Variants in PDZRN3 observed in about 807,000 individuals in gnomAD.
PDZRN3 encodes PDZ domain containing ring finger 3.
In PDZRN3, 38 loss-of-function variants were observed where a neutral mutation model predicts 85.7. The observed-to-expected ratio is 0.44, with a 90% CI of 0.34 to 0.58. The LOEUF is 0.58. Among genes scored for constraint, PDZRN3 ranks in the 20% least tolerant of loss-of-function variants. The pLI, the probability that PDZRN3 is intolerant of heterozygous loss-of-function variation, is 0.01. For missense variants in PDZRN3, 1,629 were observed against 1,506.4 expected, an observed-to-expected ratio of 1.08 and a Z score of -1.35; for synonymous variants, 759 against 638.0, an observed-to-expected ratio of 1.19 and a Z score of -2.86.
chr3:73,423,816 A>T (rs1702251267), intron 3 of PDZRN3, among the ~76,000 whole-genome samples: 1 of 152,194 alleles, frequency 6.6e-6, no homozygotes, highest in Admixed American at 6.6e-5. Flanking sequence ...TTAATAAAAG[A>T]TATTTATTCT....
chr3:73,460,516 AC>A (rs1703081570), intron 3 of PDZRN3, among the ~76,000 whole-genome samples: 1 of 152,312 alleles, frequency 6.6e-6, no homozygotes, highest in South Asian at 2.1e-4. Context: ...ACTGGAAACG[AC>A]AGGCTTCTTA....
chr3:73,503,642 G>T (rs1167400852), intron 3 of PDZRN3, among the ~76,000 whole-genome samples: 1 of 152,160 alleles, frequency 6.6e-6, no homozygotes, highest in Non-Finnish European at 1.5e-5. Context: ...TATGTACTTT[G>T]CAAGGTCTTA....
intron 5 of PDZRN3, among the ~76,000 whole-genome samples, chr3:73,395,988 C>T (rs904243744): frequency 1.3e-5 from 2 of 152,008 alleles, no homozygotes; most frequent in Non-Finnish European, 2.9e-5. Context: ...TTTGGGAGGC[C>T]ATTGCAGACA....
At chr3:73,511,362 T>C (rs1704160870) in intron 3 of PDZRN3, among the ~76,000 whole-genome samples, 1 of 152,070 alleles carries the variant, frequency 6.6e-6, no homozygotes, top group African/African-American at 2.4e-5. Context: ...AAAAAGATCA[T>C]CCTTTATAAA....
Position 73,384,369 on chromosome 3 carries a change from T to C in PDZRN3, c.2197A>G (p.Ile733Val). 6.2e-7 allele frequency: 1 copy of C among 1,609,584 alleles called. No individual in the cohort carries two copies. The highest frequency in any genetic ancestry group is 8.5e-7 in the Non-Finnish European group (1 of 1,179,938). ...NSGFRNYNTSIDVRRHELSDI... is the reference protein window; with the variant it reads ...NSGFRNYNTSVDVRRHELSDI... Reference sequence around the variant, plus strand: ...GAGAGCTCGTGTCTGCGCACGTCGATGCTGGTGTTGTAGTTGCGGAAGCCG... The same window carrying C: ...GAGAGCTCGTGTCTGCGCACGTCGACGCTGGTGTTGTAGTTGCGGAAGCCG... The change falls in exon 10 of 10, where the codon ATC (isoleucine) becomes GTC (valine). Residue 733 changes from isoleucine to valine, a missense_variant. Physicochemically the swap from Ile to Val is conservative, Grantham distance 29 (BLOSUM62 3). Coordinates refer to ENST00000263666, the MANE Select transcript of PDZRN3 (RefSeq NM_015009.3).
chr3:73,401,172 A>G, intron 4 of PDZRN3, 163 bp from the exon 5 acceptor site: 1 of 583,486 alleles, frequency 1.7e-6, no homozygotes, highest in Non-Finnish European at 3.1e-6. Flanking sequence ...CAGGACCTCC[A>G]TCATCCTAAT....
intron 7 of PDZRN3, 88 bp downstream of exon 7, chr3:73,389,728 G>A: frequency 2.1e-6 from 2 of 954,086 alleles, no homozygotes; most frequent in Non-Finnish European, 3.4e-6. Flanking sequence ...AACCGCTTCT[G>A]CATTTTCAAC....
chr3:73,547,885 A>G (rs1369198235), intron 3 of PDZRN3, among the ~76,000 whole-genome samples: 1 of 152,084 alleles, frequency 6.6e-6, no homozygotes, highest in East Asian at 1.9e-4. Flanking sequence ...GAAGCGGGGG[A>G]GGGTTAAAAG....
intron 3 of PDZRN3, among the ~76,000 whole-genome samples, chr3:73,496,016 G>A (rs1703859389): frequency 6.7e-6 from 1 of 149,260 alleles, no homozygotes; most frequent in Admixed American, 6.7e-5. Flanking sequence ...TAATTGATGT[G>A]TTAATTATAA....
At chr3:73,442,406 C>G (rs1003427283) in intron 3 of PDZRN3, among the ~76,000 whole-genome samples, 1 of 152,060 alleles carries the variant, frequency 6.6e-6, no homozygotes, top group African/African-American at 2.4e-5. Context: ...AAAAGGAGAA[C>G]AAGTGATAGG....
rs1702926222 is a variant in PDZRN3, at chr3:73,624,293, C to T, written c.533G>A (p.Gly178Asp). Residue 178 changes from glycine to aspartate, a missense_variant, in exon 1 of 10, where the codon GGC (glycine) becomes GAC (aspartate). Transcript: ENST00000263666. ...AHNGALQARL[G>D]ALHKALKKEA... ...CTTCTTGAGCGCCTTGTGCAGCGCG[C>T]CCAGGCGGGCCTGGAGCGCGCCGTT... The T allele has an allele frequency of 7.3e-7, 1 of 1,367,480 alleles. No individual in the cohort carries two copies. The highest frequency in any genetic ancestry group is 9.4e-7 in the Non-Finnish European group (1 of 1,068,860). The allele number at this position is 1,367,480 out of a possible 1,614,324, so 84.7% of individuals were successfully genotyped here.
intron 3 of PDZRN3, among the ~76,000 whole-genome samples, chr3:73,458,875 C>G (rs1703042415): frequency 6.6e-6 from 1 of 151,688 alleles, no homozygotes. Flanking sequence ...GCCTGTAGCC[C>G]CAGCTACTTG....
intron 3 of PDZRN3, among the ~76,000 whole-genome samples, chr3:73,544,610 G>A (rs1328178106): frequency 6.6e-6 from 1 of 151,518 alleles, no homozygotes; most frequent in Non-Finnish European, 1.5e-5. Flanking sequence ...ACATTCAAAG[G>A]ACACCACTCT....
chr3:73,565,814 C>T (rs60107946), intron 3 of PDZRN3, among the ~76,000 whole-genome samples: 1 of 53,714 alleles, frequency 1.9e-5, no homozygotes, highest in Non-Finnish European at 5.2e-5. Context: ...CACACACACA[C>T]ACACACACAC....
intron 3 of PDZRN3, among the ~76,000 whole-genome samples, chr3:73,512,867 G>A (rs1640564034): frequency 6.6e-6 from 1 of 152,128 alleles, no homozygotes; most frequent in Admixed American, 6.5e-5. Flanking sequence ...TTTATAGGTT[G>A]AAAATTAATC....
At chr3:73,434,606 G>C (rs1289115202) in intron 3 of PDZRN3, among the ~76,000 whole-genome samples, 1 of 152,146 alleles carries the variant, frequency 6.6e-6, no homozygotes, top group African/African-American at 2.4e-5. Context: ...CAACTAACTG[G>C]AAGGAAGAGA....
At chr3:73,559,143 C>G (rs965802560) in intron 3 of PDZRN3, among the ~76,000 whole-genome samples, 1 of 152,162 alleles carries the variant, frequency 6.6e-6, no homozygotes, top group Non-Finnish European at 1.5e-5. Flanking sequence ...GTTGTCACAA[C>G]CTTTCTCTGG....
At chr3:73,573,594 C>G (rs1157047836) in intron 3 of PDZRN3, among the ~76,000 whole-genome samples, 1 of 152,172 alleles carries the variant, frequency 6.6e-6, no homozygotes. Flanking sequence ...ACCCCCAAAG[C>G]TGAAAACATT....
rs571016128 is a variant in PDZRN3 at position 73,529,704 on chromosome 3, T to A, written c.918+72650A>T. ...AGGGGCTGGATAGAAAGATAAGAAATCTGTTTCAAAGTGCCTGTGTCCAAC... is the reference window on the plus strand; with the variant it reads ...AGGGGCTGGATAGAAAGATAAGAAAACTGTTTCAAAGTGCCTGTGTCCAAC... On this transcript the variant is annotated intron_variant, in intron 3 of 9. Coordinates refer to ENST00000263666, the MANE Select transcript of PDZRN3 (RefSeq NM_015009.3). Among the ~76,000 whole-genome samples the A allele has an allele frequency of 1.1e-4, 16 of 152,342 alleles. No individual in the cohort carries two copies. In the East Asian group the frequency reaches 3.1e-3, roughly 29 times the overall value.
Sources: allele counts gnomAD v4.1 joint callset (sites outside exome capture counted in the v4.1 genomes callset), GRCh38; gene constraint gnomAD v4.1.1; transcripts MANE v1.5; gene names NCBI Gene and HGNC (gene_info 2026-07-23, HGNC 2026-07-21).